Variants in BANF2 observed in about 807,000 individuals in gnomAD.
BANF2 encodes barrier-to-autointegration factor-like protein.
In BANF2, 4 loss-of-function variants were observed where a neutral mutation model predicts 8.0. That is an observed-to-expected ratio of 0.50 (90% CI 0.25 to 1.14). The LOEUF is 1.14. BANF2 is among the 50% of genes most tolerant of loss of function. BANF2 has a pLI of 0.16. For missense variants in BANF2, 96 were observed against 107.5 expected, an observed-to-expected ratio of 0.89 and a Z score of 0.47; for synonymous variants, 50 against 40.6, an observed-to-expected ratio of 1.23 and a Z score of -0.88.
At chr20:17,706,387 G>T (rs1205952279) in intron 1 of BANF2, among the ~76,000 whole-genome samples, 1 of 152,186 alleles carries the variant, frequency 6.6e-6, no homozygotes, top group African/African-American at 2.4e-5. Flanking sequence ...GAAGAAAAAA[G>T]TAGCTGTTGG....
In BANF2 at chr20:17,722,734, G is replaced by A. The variant is rs1201685383; in HGVS notation, c.-148G>A. 11 of 984,772 alleles carry A rather than the reference G, an allele frequency of 1.1e-5. No individual in the cohort carries two copies. The highest frequency in any genetic ancestry group is 1.3e-5 in the Non-Finnish European group (11 of 829,492). 61.0% of individuals were successfully genotyped at this position (984,772 alleles called of 1,614,324 possible). A position where few individuals can be genotyped will look rare whatever the true frequency, so the allele number is the denominator to read the frequency against. On this transcript the variant is annotated 5_prime_UTR_variant, in exon 2 of 4. Coordinates refer to ENST00000246090, the MANE Select transcript of BANF2 (RefSeq NM_178477.5). ...TTCCTAGAATCTGCTGACACATCAA[G>A]GCCACTTTTCTTAGGAGCCCCCTGA...
chr20:17,734,744 C>T (rs550881027), intron 3 of BANF2, among the ~76,000 whole-genome samples: 184 of 152,202 alleles, frequency 1.2e-3, no homozygotes, highest in African/African-American at 4.3e-3. Context: ...CAGGACAGCC[C>T]CCCATAACAT....
At chr20:17,716,822 A>G (rs1441064424) in intron 1 of BANF2, among the ~76,000 whole-genome samples, 2 of 133,864 alleles carry the variant, frequency 1.5e-5, no homozygotes, top group Non-Finnish European at 3.1e-5. Context: ...AGCTTGAGTG[A>G]CAGAGCAAGA....
chr20:17,734,349 T>C (rs1290614314), intron 3 of BANF2, among the ~76,000 whole-genome samples: 1 of 152,206 alleles, frequency 6.6e-6, no homozygotes, highest in Admixed American at 6.5e-5. Flanking sequence ...TCTATGCTCC[T>C]CCTACAGAAC....
At chr20:17,730,520 C>T (rs1408914105) in intron 3 of BANF2, among the ~76,000 whole-genome samples, 1 of 152,154 alleles carries the variant, frequency 6.6e-6, no homozygotes, top group Non-Finnish European at 1.5e-5. Context: ...TCTGCTCCCT[C>T]TTGCCCTCAC....
At chr20:17,707,382 C>CAAAAA (rs374719840) in intron 1 of BANF2, among the ~76,000 whole-genome samples, 5 of 142,400 alleles carry the variant, frequency 3.5e-5, no homozygotes, top group Middle Eastern at 3.7e-3. Context: ...GACTCTGTGT[C>CAAAAA]AAAAAAAAGA....
At chr20:17,729,953 C>G (rs1028960956) in intron 3 of BANF2, among the ~76,000 whole-genome samples, 3 of 152,212 alleles carry the variant, frequency 2.0e-5, no homozygotes, top group Admixed American at 6.5e-5. Context: ...GGGCAGGGCC[C>G]TGTGGGGCGG....
At chr20:17,726,844 T>A (rs2037815712) in intron 3 of BANF2, among the ~76,000 whole-genome samples, 1 of 152,252 alleles carries the variant, frequency 6.6e-6, no homozygotes, top group Non-Finnish European at 1.5e-5. Context: ...TTGACATACA[T>A]ACATTAAATT....
At chr20:17,708,626 G>A (rs531705549) in intron 1 of BANF2, among the ~76,000 whole-genome samples, 7 of 152,168 alleles carry the variant, frequency 4.6e-5, no homozygotes, top group Middle Eastern at 6.8e-3. Context: ...TTTTATCAGC[G>A]CCCTTGCACT....
At chr20:17,733,069 C>T (rs2037924608) in intron 3 of BANF2, among the ~76,000 whole-genome samples, 1 of 152,176 alleles carries the variant, frequency 6.6e-6, no homozygotes, top group Non-Finnish European at 1.5e-5. Flanking sequence ...CCAGAGGCTG[C>T]AAGACGGGGC....
chr20:17,707,699 C>G (rs770981212), intron 1 of BANF2, among the ~76,000 whole-genome samples: 5 of 152,028 alleles, frequency 3.3e-5, no homozygotes, highest in Admixed American at 1.3e-4. Context: ...CCTGCCTCAG[C>G]TTCCCGAGTA....
At chr20:17,717,545 A>G (rs534658741) in intron 1 of BANF2, among the ~76,000 whole-genome samples, 2 of 152,206 alleles carry the variant, frequency 1.3e-5, no homozygotes, top group Non-Finnish European at 2.9e-5. Context: ...CATCTAGGCT[A>G]GTTTCCCTAT....
intron 1 of BANF2, among the ~76,000 whole-genome samples, chr20:17,712,855 A>G (rs1441429635): frequency 6.6e-6 from 1 of 152,184 alleles, no homozygotes; most frequent in Non-Finnish European, 1.5e-5. Flanking sequence ...AGCATTAGTA[A>G]CAATGGCCAG....
chr20:17,725,049 G>T lies in BANF2; in HGVS notation c.24G>T (p.Leu8=), dbSNP rs762699701. 7.5e-6 allele frequency: 12 copies of T among 1,607,878 alleles called. No individual in the cohort carries two copies. The highest frequency in any genetic ancestry group is 1.0e-5 in the Non-Finnish European group (12 of 1,174,268). Reference sequence around the variant, plus strand: ...AGATGGACAACATGTCTCCCAGGCTGAGAGCCTTCCTCTCCGAACCCATTG... The same window carrying T: ...AGATGGACAACATGTCTCCCAGGCTTAGAGCCTTCCTCTCCGAACCCATTG... The part of the protein sequence containing the change: MDNMSPR[L]RAFLSEPIGE... The change falls in exon 3 of 4, where the codon CTG becomes CTT. Residue 8 remains leucine (L), a synonymous_variant. Coordinates refer to ENST00000246090, the MANE Select transcript of BANF2 (RefSeq NM_178477.5).
In BANF2 at chr20:17,722,858, G is replaced by C. The variant is rs913082408; in HGVS notation, c.-24G>C. On this transcript the variant is annotated 5_prime_UTR_variant, in exon 2 of 4. Coordinates refer to ENST00000246090, the MANE Select transcript of BANF2 (RefSeq NM_178477.5). ...CTTCAGAGCAAGAAGGCGTACACGAGGAGCTCGACTCTGTAGAAAGGTCTG... is the reference window on the plus strand; with the variant it reads ...CTTCAGAGCAAGAAGGCGTACACGACGAGCTCGACTCTGTAGAAAGGTCTG... 8.1e-6 allele frequency: 8 copies of C among 985,326 alleles called. No homozygotes were observed. Among genetic ancestry groups the C allele is most frequent in the African/African-American group, 1.7e-5 (1 of 57,236 alleles). 61.0% of individuals were successfully genotyped at this position (985,326 alleles called of 1,614,324 possible).
chr20:17,716,496 G>A (rs1243254505), intron 1 of BANF2, among the ~76,000 whole-genome samples: 1 of 151,992 alleles, frequency 6.6e-6, no homozygotes, highest in Non-Finnish European at 1.5e-5. Flanking sequence ...ACCATGCCTG[G>A]CTAATTTTTG....
At chr20:17,694,614 T>C (rs1433765703) in intron 1 of BANF2, among the ~76,000 whole-genome samples, 6 of 84,632 alleles carry the variant, frequency 7.1e-5, no homozygotes, top group African/African-American at 2.2e-4. Context: ...TTTTTTTTTT[T>C]TTTTTTTTTT....
At chr20:17,729,719 G>A (rs1271424628) in intron 3 of BANF2, among the ~76,000 whole-genome samples, 2 of 152,240 alleles carry the variant, frequency 1.3e-5, no homozygotes, top group African/African-American at 2.4e-5. Context: ...CTGGGTGACA[G>A]AGGGAGACTC....
chr20:17,706,207 C>CTTTA (rs777352049), intron 1 of BANF2, among the ~76,000 whole-genome samples: 13 of 152,178 alleles, frequency 8.5e-5, no homozygotes, highest in South Asian at 6.2e-4. Context: ...CAAGTACACA[C>CTTTA]TTTAAATCCA....
Sources: gnomAD v4.1 joint callset for allele counts (sites outside exome capture counted in the v4.1 genomes callset) on GRCh38, gnomAD v4.1.1 for gene constraint, MANE v1.5 for transcripts, NCBI Gene and HGNC (gene_info 2026-07-23, HGNC 2026-07-21) for gene names.